Variants in RAB12 observed in about 807,000 individuals in gnomAD.
RAB12 encodes ras-related protein Rab-12.
A neutral mutation model predicts 28.4 loss-of-function variants in RAB12; 11 were observed. The observed-to-expected ratio is 0.39, with a 90% CI of 0.24 to 0.64. The LOEUF (loss-of-function observed/expected upper bound fraction) is 0.64. Ranked by LOEUF, RAB12 falls within the 30% of genes least tolerant of loss-of-function variation. The pLI is 0.50. For synonymous variants in RAB12, 138 were observed against 145.3 expected (o/e 0.95, Z 0.36); for missense variants, 276 against 351.1 (o/e 0.79, Z 1.71).
rs576318940 is a variant in RAB12, at chr18:8,628,084, A to G, written c.575+3086A>G. Among the ~76,000 whole-genome samples, 206 of 152,328 alleles carry G rather than the reference A, an allele frequency of 1.4e-3. 1 individual carries two copies. Among genetic ancestry groups the G allele is most frequent in the African/African-American group, 4.7e-3 (197 of 41,580 alleles). On this transcript the variant is annotated intron_variant, in intron 2 of 5. Transcript: ENST00000649141. ...GTAAACGATGATTGAGCTGACGTTC[A>G]TAACTTGCAAACCTCTAGAAATCCG... is the stretch of plus-strand genomic sequence containing the variant.
rs71165796 is a variant in RAB12 at position 8,639,147 on chromosome 18, CTTTTTTTTTTTTTTTTTTTTTTTT to C, written c.*907_*930del. 0.021 allele frequency: 343 copies of C among 16,030 alleles called. No individual in the cohort carries two copies. Among genetic ancestry groups the C allele is most frequent in the African/African-American group, 0.052 (244 of 4,652 alleles). 1.0% of individuals were successfully genotyped at this position (16,030 alleles called of 1,614,324 possible). On this transcript the variant is annotated 3_prime_UTR_variant, in exon 6 of 6. Coordinates refer to ENST00000649141, the MANE Select transcript of RAB12 (RefSeq NM_001025300.3). ...ATTCTGATTAAGCCTAGACTGTGTT[CTTTTTTTTTTTTTTTTTTTTTTTT>C]TTTTTTTTTTTTTTTTTTTTTGGTC...
intron 3 of RAB12, among the ~76,000 whole-genome samples, chr18:8,634,188 C>T (rs2096017567): frequency 1.1e-5 from 1 of 88,774 alleles, no homozygotes. Context: ...ACCTGTAATC[C>T]CAGCACTTTG....
chr18:8,611,841 C>A (rs528432182), intron 1 of RAB12, among the ~76,000 whole-genome samples: 1 of 152,318 alleles, frequency 6.6e-6, no homozygotes, highest in South Asian at 2.1e-4. Context: ...GGTTGAATTT[C>A]TGTCTTGCTC....
chr18:8,624,851 G>T, intron 1 of RAB12, 87 bp from the exon 2 acceptor site: 1 of 893,620 alleles, frequency 1.1e-6, no homozygotes, highest in Admixed American at 2.3e-5. Context: ...TTCTGATAAT[G>T]ATAACAAAAT....
rs1598311850 is a variant in RAB12, at chr18:8,627,734, A to C, written c.575+2736A>C. Among the ~76,000 whole-genome samples the C allele has an allele frequency of 1.3e-5, 2 of 152,300 alleles. 1 individual carries two copies. The highest frequency in any genetic ancestry group is 4.1e-4 in the South Asian group (2 of 4,826). ...TTACCTTTAGGCAAACACAGAATTG[A>C]AATGCTTCATATAAGGGCCCTTTGT... On this transcript the variant is annotated intron_variant, in intron 2 of 5. Transcript: ENST00000649141.
chr18:8,615,088 G>A (rs79959715), intron 1 of RAB12, among the ~76,000 whole-genome samples: 5 of 152,250 alleles, frequency 3.3e-5, no homozygotes, highest in African/African-American at 1.2e-4. Flanking sequence ...GTGGGGCCTC[G>A]GCCTGAGACT....
At chr18:8,634,359 C>T (rs1413712530) in intron 3 of RAB12, among the ~76,000 whole-genome samples, 2 of 147,568 alleles carry the variant, frequency 1.4e-5, no homozygotes, top group East Asian at 2.0e-4. Context: ...AGACCTGAGG[C>T]GGGGCCCCTG....
rs2096020771 is a variant in RAB12 at position 8,639,144 on chromosome 18, GTTCTTT to G, written c.*885_*890del. The G allele has an allele frequency of 5.4e-4, 9 of 16,584 alleles. No homozygotes were observed. Among genetic ancestry groups the G allele is most frequent in the East Asian group, 4.7e-3 (2 of 426 alleles). 1.0% of individuals were successfully genotyped at this position (16,584 alleles called of 1,614,324 possible). ...CTTATTCTGATTAAGCCTAGACTGTGTTCTTTTTTTTTTTTTTTTTTTTTTTTTTTT... is the reference window on the plus strand; with the variant it reads ...CTTATTCTGATTAAGCCTAGACTGTGTTTTTTTTTTTTTTTTTTTTTTTTT... On this transcript the variant is annotated 3_prime_UTR_variant, in exon 6 of 6. Coordinates refer to ENST00000649141, the MANE Select transcript of RAB12 (RefSeq NM_001025300.3).
chr18:8,616,840 G>T (rs2096006975), intron 1 of RAB12, among the ~76,000 whole-genome samples: 1 of 152,134 alleles, frequency 6.6e-6, no homozygotes, highest in South Asian at 2.1e-4. Flanking sequence ...GAGGCAGGAG[G>T]ATCACTTGAG....
chr18:8,633,148 T>A, intron 2 of RAB12, 41 bp from the exon 3 acceptor site: 1 of 1,612,898 alleles, frequency 6.2e-7, no homozygotes, highest in South Asian at 1.1e-5. Flanking sequence ...GTGCTCACTT[T>A]GGGCATTATT....
chr18:8,637,278 T>TAAA (rs11375791), intron 5 of RAB12, among the ~76,000 whole-genome samples: 1 of 144,082 alleles, frequency 6.9e-6, no homozygotes, highest in Non-Finnish European at 1.5e-5. Context: ...TGTCTCTATT[T>TAAA]AAAAAAAAAA....
At chr18:8,635,943 A>G (rs1310026875) in intron 4 of RAB12, 2 of 433,052 alleles carry the variant, frequency 4.6e-6, no homozygotes, top group Non-Finnish European at 8.2e-6. Flanking sequence ...GGTTTTTGCT[A>G]AGGATTGAAT....
intron 2 of RAB12, among the ~76,000 whole-genome samples, chr18:8,629,731 A>C (rs1181819732): frequency 6.6e-6 from 1 of 152,224 alleles, no homozygotes; most frequent in Admixed American, 6.5e-5. Context: ...CTCTGAAGGA[A>C]ACCAGAAATT....
chr18:8,618,264 G>A (rs2096007762), intron 1 of RAB12, among the ~76,000 whole-genome samples: 1 of 152,176 alleles, frequency 6.6e-6, no homozygotes, highest in African/African-American at 2.4e-5. Flanking sequence ...AGCGAGGACA[G>A]GTCTTCTTGT....
At chr18:8,620,786 A>G (rs2096009484) in intron 1 of RAB12, among the ~76,000 whole-genome samples, 1 of 152,138 alleles carries the variant, frequency 6.6e-6, no homozygotes, top group African/African-American at 2.4e-5. Flanking sequence ...CCAGCAAAGA[A>G]GGAACGATGT....
chr18:8,619,533 G>C (rs1419561410), intron 1 of RAB12, among the ~76,000 whole-genome samples: 1 of 152,218 alleles, frequency 6.6e-6, no homozygotes, highest in African/African-American at 2.4e-5. Context: ...TGTCTTAACA[G>C]CTTGGCTGTG....
chr18:8,630,652 A>G (rs2096015427), intron 2 of RAB12, among the ~76,000 whole-genome samples: 1 of 152,152 alleles, frequency 6.6e-6, no homozygotes, highest in Non-Finnish European at 1.5e-5. Flanking sequence ...TTTAAAAAGG[A>G]GAAACAGGGC....
At chr18:8,632,455 G>A (rs2096016577) in intron 2 of RAB12, among the ~76,000 whole-genome samples, 1 of 152,124 alleles carries the variant, frequency 6.6e-6, no homozygotes, top group Non-Finnish European at 1.5e-5. Context: ...AGCTGGCTCT[G>A]CTTGTCTCCA....
rs769083972 is a variant in RAB12, at chr18:8,635,568, A to T, written c.750A>T (p.Gly250=). The T allele has an allele frequency of 6.2e-7, 1 of 1,612,746 alleles. No individual in the cohort carries two copies. The highest frequency in any genetic ancestry group is 8.5e-7 in the Non-Finnish European group (1 of 1,179,498). ...AAGATGCAGAGCTTCTCTTAGTTGG[A>T]AATAAGTTGGACTGTGAAACGGACA... The part of the protein sequence containing the change: ...ASEDAELLLV[G]NKLDCETDRE... Residue 250 remains glycine, a synonymous_variant, in exon 4 of 6, where the codon GGA becomes GGT. Coordinates refer to ENST00000649141, the MANE Select transcript of RAB12 (RefSeq NM_001025300.3).
Sources: allele counts gnomAD v4.1 joint callset (sites outside exome capture counted in the v4.1 genomes callset), GRCh38; gene constraint gnomAD v4.1.1; transcripts MANE v1.5; gene names NCBI Gene and HGNC (gene_info 2026-07-23, HGNC 2026-07-21).